The following CSMD1 variants were observed in gnomAD, a reference collection of about 807,000 sequenced individuals.
The protein encoded by CSMD1 is CUB and Sushi multiple domains 1.
In CSMD1, 213 loss-of-function variants were observed where a neutral mutation model predicts 417.5. The observed-to-expected ratio is 0.51, with a 90% CI of 0.46 to 0.57. The LOEUF is 0.57. Among genes scored for constraint, CSMD1 ranks in the 20% least tolerant of loss-of-function variants. CSMD1 has a pLI of 0.00. For synonymous variants in CSMD1, 2,862 were observed against 1,736.8 expected, an observed-to-expected ratio of 1.65 and a Z score of -16.11; for missense variants, 6,923 against 4,529.7, an observed-to-expected ratio of 1.53 and a Z score of -15.17.
intron 1 of CSMD1, among the ~76,000 whole-genome samples, chr8:4,707,974 C>T (rs1047900566): frequency 2.7e-5 from 4 of 149,168 alleles, no homozygotes; most frequent in African/African-American, 7.4e-5. Flanking sequence ...TAAGACACAT[C>T]TCACTCTGTC....
chr8:3,087,108 G>A lies in CSMD1; in HGVS notation c.7463C>T (p.Pro2488Leu), dbSNP rs1341527449. ...LGMYQWDSLT[P>L]LCQAVSCGIP... ...AACGCATTTCTTACCCTGGCAGAGT[G>A]GCGTGAGGGAGTCCCACTGGTACAT... The change falls in exon 49 of 70, where the codon CCA (proline) becomes CTA (leucine). Residue 2488 changes from proline (P) to leucine (L), a missense_variant. Physicochemically the swap from Pro to Leu is moderately conservative, Grantham distance 98 (BLOSUM62 -3). Transcript: ENST00000635120. 6.2e-7 allele frequency: 1 copy of A among 1,613,250 alleles called. No homozygotes were observed.
rs776437341 is a variant in CSMD1 at position 2,938,669 on chromosome 8, G to A, written c.10611C>T (p.Pro3537=). 2 of 1,611,764 alleles carry A rather than the reference G, an allele frequency of 1.2e-6. No individual in the cohort carries two copies. Among genetic ancestry groups the A allele is most frequent in the Non-Finnish European group, 1.7e-6 (2 of 1,178,896 alleles). ...NSNGQASFEN[P]MYDTNLKPTE... ...TGGGTTTTAAGTTTGTATCATACATGGGGTTTTCAAACGATGCTTGTCCAT... is the reference window on the plus strand; with the variant it reads ...TGGGTTTTAAGTTTGTATCATACATAGGGTTTTCAAACGATGCTTGTCCAT... The change falls in exon 70 of 70, where the codon CCC becomes CCT. Residue 3537 remains proline, a synonymous_variant. Transcript: ENST00000635120.
intron 5 of CSMD1, among the ~76,000 whole-genome samples, chr8:3,758,956 T>A (rs1051756874): frequency 6.6e-6 from 1 of 152,232 alleles, no homozygotes; most frequent in Non-Finnish European, 1.5e-5. Context: ...GAGTGACGCA[T>A]TGAGGGCTTC....
At chr8:4,101,117 T>A (rs1260338846) in intron 3 of CSMD1, among the ~76,000 whole-genome samples, 1 of 152,172 alleles carries the variant, frequency 6.6e-6, no homozygotes, top group African/African-American at 2.4e-5. Context: ...CAGCGAATAG[T>A]CTTTTAAGGG....
At chr8:4,160,272 T>C (rs1402742071) in intron 3 of CSMD1, among the ~76,000 whole-genome samples, 1 of 152,120 alleles carries the variant, frequency 6.6e-6, no homozygotes, top group African/African-American at 2.4e-5. Context: ...AACATTCTGA[T>C]TCTTGGAAAG....
At chr8:3,453,840 G>C (rs893412708) in intron 12 of CSMD1, among the ~76,000 whole-genome samples, 1 of 152,184 alleles carries the variant, frequency 6.6e-6, no homozygotes, top group Non-Finnish European at 1.5e-5. Flanking sequence ...GCTTGGTGCA[G>C]AGCTGACTTC....
At chr8:4,423,426 T>A (rs1210446820) in intron 2 of CSMD1, among the ~76,000 whole-genome samples, 1 of 152,016 alleles carries the variant, frequency 6.6e-6, no homozygotes, top group African/African-American at 2.4e-5. Flanking sequence ...ATGAACACGT[T>A]GACATCAAAA....
intron 8 of CSMD1, among the ~76,000 whole-genome samples, chr8:3,606,660 T>G (rs1198771568): frequency 2.0e-5 from 3 of 152,066 alleles, no homozygotes. Flanking sequence ...ATGCTTTTCT[T>G]TCTTCAATAA....
At chr8:3,945,000 G>C (rs181843781) in intron 5 of CSMD1, among the ~76,000 whole-genome samples, 1 of 152,180 alleles carries the variant, frequency 6.6e-6, no homozygotes, top group Non-Finnish European at 1.5e-5. Context: ...CGGTTCACCC[G>C]CAAGTCAAAT....
chr8:3,431,030 C>G (rs1814187356), intron 12 of CSMD1, among the ~76,000 whole-genome samples: 1 of 152,116 alleles, frequency 6.6e-6, no homozygotes, highest in Non-Finnish European at 1.5e-5. Context: ...TTAGCAAGAT[C>G]AGGAACCCTG....
intron 1 of CSMD1, among the ~76,000 whole-genome samples, chr8:4,877,190 G>A (rs938695895): frequency 6.6e-6 from 1 of 151,890 alleles, no homozygotes; most frequent in Non-Finnish European, 1.5e-5. Context: ...AATGGCCCCT[G>A]AATGAGTATG....
At chr8:4,529,768 A>C (rs1232614409) in intron 2 of CSMD1, among the ~76,000 whole-genome samples, 1 of 152,054 alleles carries the variant, frequency 6.6e-6, no homozygotes, top group Non-Finnish European at 1.5e-5. Context: ...TGACAGCAAA[A>C]GTTTCAGAAC....
Position 3,406,115 on chromosome 8 carries a change from G to C in CSMD1, c.2178C>G (p.Gly726=). Residue 726 remains glycine, a synonymous_variant, in exon 15 of 70, where the codon GGC becomes GGG. Transcript: ENST00000635120. ...ACTCGGATCCCTGGGTCTTGACAAAGCCATCATCACAGTGGAAAGAAACCG... is the reference window on the plus strand; with the variant it reads ...ACTCGGATCCCTGGGTCTTGACAAACCCATCATCACAGTGGAAAGAAACCG... ...GSSVSFHCDD[G]FVKTQGSESI... 1.9e-6 allele frequency: 3 copies of C among 1,613,954 alleles called. No homozygotes were observed. The highest frequency in any genetic ancestry group is 1.3e-5 in the African/African-American group (1 of 75,042).
Position 3,108,695 on chromosome 8 carries a change from G to A in CSMD1, c.6662C>T (p.Ala2221Val). 1.2e-6 allele frequency: 2 copies of A among 1,613,550 alleles called. No individual in the cohort carries two copies. Among genetic ancestry groups the A allele is most frequent in the Non-Finnish European group, 1.7e-6 (2 of 1,179,704 alleles). The change falls in exon 44 of 70, where the codon GCC becomes GTC. Residue 2221 changes from alanine (A) to valine (V), a missense_variant. Physicochemically the swap from Ala to Val is moderately conservative, Grantham distance 64. Coordinates refer to ENST00000635120, the MANE Select transcript of CSMD1 (RefSeq NM_033225.6). ...PQLGVFSGNT[A>V]LETAYSSTNQ... ...GGTGGAGCTATACGCCGTTTCGAGG[G>A]CTGTGTTGCCACTGAAAACTCCCAG... is the stretch of plus-strand genomic sequence containing the variant.
chr8:4,699,024 C>A (rs1563167134), intron 1 of CSMD1, among the ~76,000 whole-genome samples: 1 of 151,956 alleles, frequency 6.6e-6, no homozygotes, highest in Non-Finnish European at 1.5e-5. Context: ...CTATGCCTTT[C>A]ATTAACTTAA....
intron 1 of CSMD1, among the ~76,000 whole-genome samples, chr8:4,717,565 T>A (rs1349066095): frequency 7.2e-6 from 1 of 139,060 alleles, no homozygotes; most frequent in East Asian, 2.3e-4. Context: ...TATCTATCTA[T>A]CCATCCATCC....
intron 1 of CSMD1, 48 bp downstream of exon 1, chr8:4,994,284 C>T (rs1014889035): frequency 2.6e-6 from 4 of 1,551,984 alleles, no homozygotes; most frequent in Admixed American, 1.7e-5. Context: ...GCACACGGGG[C>T]CTCCGAGGGC....
intron 3 of CSMD1, among the ~76,000 whole-genome samples, chr8:4,358,349 AATG>A (rs1316840536): frequency 6.6e-6 from 1 of 152,142 alleles, no homozygotes; most frequent in Non-Finnish European, 1.5e-5. Flanking sequence ...ATGAGCTTAG[AATG>A]ATTTTACACT....
intron 3 of CSMD1, among the ~76,000 whole-genome samples, chr8:4,203,403 C>A (rs576507737): frequency 6.6e-6 from 1 of 152,124 alleles, no homozygotes; most frequent in Non-Finnish European, 1.5e-5. Context: ...GGTTTCTATG[C>A]CACTACATTT....
Sources: gnomAD v4.1 joint callset for allele counts (sites outside exome capture counted in the v4.1 genomes callset) on GRCh38, gnomAD v4.1.1 for gene constraint, MANE v1.5 for transcripts, NCBI Gene and HGNC (gene_info 2026-07-23, HGNC 2026-07-21) for gene names.